Variants in PTPRD observed in about 807,000 individuals in gnomAD.
PTPRD encodes receptor-type tyrosine-protein phosphatase delta.
Under a neutral mutation model 214.5 loss-of-function variants are expected in PTPRD, and 34 were observed. The ratio of observed to expected loss-of-function variants is 0.16; its 90% CI spans 0.12 to 0.21. The LOEUF (loss-of-function observed/expected upper bound fraction) is 0.21. Among genes scored for constraint, PTPRD ranks in the 10% least tolerant of loss-of-function variants. The pLI, the probability that PTPRD is intolerant of heterozygous loss-of-function variation, is 1.00. For missense variants in PTPRD, 2,545 were observed against 2,398.7 expected, an observed-to-expected ratio of 1.06 and a Z score of -1.27; for synonymous variants, 1,128 against 845.7, an observed-to-expected ratio of 1.33 and a Z score of -5.79.
At chr9:8,692,344 A>G (rs1296264629) in intron 12 of PTPRD, among the ~76,000 whole-genome samples, 2 of 152,058 alleles carry the variant, frequency 1.3e-5, no homozygotes, top group Admixed American at 6.6e-5. Context: ...AGTTTCTTCC[A>G]TCTAGTGGTT....
chr9:10,301,962 A>G (rs541561171), intron 3 of PTPRD, among the ~76,000 whole-genome samples: 120 of 152,328 alleles, frequency 7.9e-4, no homozygotes, highest in African/African-American at 2.7e-3. Flanking sequence ...CCCAAGACAC[A>G]TAATCGTCAG....
At chr9:10,505,225 T>G (rs75872236) in intron 2 of PTPRD, among the ~76,000 whole-genome samples, 18,649 of 152,220 alleles carry the variant, frequency 0.12, 1,391 homozygotes, top group South Asian at 0.27. Flanking sequence ...TCAGCTTATC[T>G]GAGGTATTGC....
chr9:10,159,781 G>A (rs1306201703), intron 3 of PTPRD, among the ~76,000 whole-genome samples: 1 of 151,704 alleles, frequency 6.6e-6, no homozygotes, highest in East Asian at 1.9e-4. Flanking sequence ...TACTGAGCTC[G>A]AAGAATGGCT....
chr9:10,017,076 C>A lies in PTPRD; in HGVS notation c.-472+16642G>T, dbSNP rs556302068. ...AAATTGTTTTCCAAACTGTTCCAAT[C>A]TACATTCCCACCAGTAATGTGAATA... On this transcript the variant is annotated intron_variant, in intron 4 of 45. Coordinates refer to ENST00000381196, the MANE Select transcript of PTPRD (RefSeq NM_002839.4). 2.6e-5 allele frequency among the ~76,000 whole-genome samples: 4 copies of A among 152,298 alleles called. No individual in the cohort carries two copies. The East Asian group carries it at 5.8e-4, about 22-fold the overall frequency.
At chr9:8,350,353 G>C (rs188930470) in intron 39 of PTPRD, among the ~76,000 whole-genome samples, 323 of 152,200 alleles carry the variant, frequency 2.1e-3, no homozygotes, top group African/African-American at 6.7e-3. Context: ...TGGGTGCCAA[G>C]ACAGTAAAAT....
intron 5 of PTPRD, among the ~76,000 whole-genome samples, chr9:9,799,793 G>A (rs567083640): frequency 9.2e-5 from 14 of 152,034 alleles, no homozygotes; most frequent in Non-Finnish European, 1.9e-4. Context: ...CTTAACAAAA[G>A]GACAAAGCAA....
At chr9:10,612,216 A>G (rs934186752) in intron 2 of PTPRD, among the ~76,000 whole-genome samples, 182 bp downstream of exon 2, 1 of 151,232 alleles carries the variant, frequency 6.6e-6, no homozygotes, top group East Asian at 1.9e-4. Context: ...TCCAAAAAAA[A>G]AAAAAAAAGA....
At chr9:9,681,120 G>T (rs1394982740) in intron 7 of PTPRD, among the ~76,000 whole-genome samples, 2 of 151,628 alleles carry the variant, frequency 1.3e-5, no homozygotes, top group African/African-American at 2.4e-5. Flanking sequence ...TCTAAAAAAT[G>T]GAAATACTCA....
intron 8 of PTPRD, among the ~76,000 whole-genome samples, chr9:9,503,249 G>A (rs2096476890): frequency 6.6e-6 from 1 of 150,398 alleles, no homozygotes; most frequent in Non-Finnish European, 1.5e-5. Flanking sequence ...TTTTTAATAG[G>A]CTATTTTCAG....
chr9:8,902,749 C>G (rs1366035076), intron 11 of PTPRD, among the ~76,000 whole-genome samples: 1 of 152,146 alleles, frequency 6.6e-6, no homozygotes, highest in East Asian at 1.9e-4. Flanking sequence ...AAAAATAAGC[C>G]TTGGCAAATC....
chr9:9,778,231 A>C (rs2761718), intron 5 of PTPRD, among the ~76,000 whole-genome samples: 67,722 of 151,980 alleles, frequency 0.45, 15,618 homozygotes, highest in East Asian at 0.7. Context: ...TGCTAGGGCT[A>C]GTTCCCAGCC....
At position 9,027,205 on chromosome 9, in the gene PTPRD, T is replaced by C. The variant is rs533381377; in HGVS notation, c.-142-8470A>G. Among the ~76,000 whole-genome samples, 8 of 151,916 alleles carry C rather than the reference T, an allele frequency of 5.3e-5. No homozygotes were observed. In the South Asian group the frequency reaches 1.7e-3, roughly 31 times the overall value. On this transcript the variant is annotated intron_variant, in intron 10 of 45. Transcript: ENST00000381196. Reference sequence around the variant, plus strand: ...TTTTTCCAGGTGGATTTTCCAAATGTAACGATAAACCAAGAAAGAATTTGT... The same window carrying C: ...TTTTTCCAGGTGGATTTTCCAAATGCAACGATAAACCAAGAAAGAATTTGT...
At chr9:9,891,879 T>G (rs1429100012) in intron 5 of PTPRD, among the ~76,000 whole-genome samples, 4 of 152,136 alleles carry the variant, frequency 2.6e-5, no homozygotes, top group African/African-American at 9.6e-5. Flanking sequence ...GCTTTTTGAT[T>G]AAACAGGATT....
chr9:9,606,221 T>G (rs950322425), intron 7 of PTPRD, among the ~76,000 whole-genome samples: 2 of 152,106 alleles, frequency 1.3e-5, no homozygotes, highest in African/African-American at 4.8e-5. Context: ...CCTAATAGAC[T>G]TAGACAATTT....
At chr9:8,750,718 C>T (rs950676144) in intron 11 of PTPRD, among the ~76,000 whole-genome samples, 1 of 151,990 alleles carries the variant, frequency 6.6e-6, no homozygotes, top group African/African-American at 2.4e-5. Flanking sequence ...GTGGCTGGAG[C>T]CCAGAGATTC....
intron 3 of PTPRD, among the ~76,000 whole-genome samples, chr9:10,172,005 C>A (rs1478462248): frequency 1.3e-5 from 2 of 152,096 alleles, no homozygotes; most frequent in Admixed American, 6.6e-5. Flanking sequence ...CCATTCCAGC[C>A]TCATAAGAAT....
At chr9:8,637,244 G>A (rs1486933366) in intron 12 of PTPRD, among the ~76,000 whole-genome samples, 1 of 152,182 alleles carries the variant, frequency 6.6e-6, no homozygotes, top group Non-Finnish European at 1.5e-5. Flanking sequence ...GACACTGCCA[G>A]AAAGCAGCAT....
chr9:9,527,143 A>C (rs1415111330), intron 8 of PTPRD, among the ~76,000 whole-genome samples: 1 of 152,200 alleles, frequency 6.6e-6, no homozygotes, highest in East Asian at 1.9e-4. Context: ...AAATGAAATT[A>C]CTATTCAAAG....
chr9:8,454,811 AGTGTGTGTGTGTGTGTGTGT>A (rs3043784), intron 33 of PTPRD, among the ~76,000 whole-genome samples: 6 of 148,644 alleles, frequency 4.0e-5, no homozygotes, highest in African/African-American at 1.2e-4. Flanking sequence ...CTGAATACAT[AGTGTGTGTGTGTGTGTGTGT>A]GTGTGTGTGT....
Sources: gnomAD v4.1 joint callset for allele counts (sites outside exome capture counted in the v4.1 genomes callset) on GRCh38, gnomAD v4.1.1 for gene constraint, MANE v1.5 for transcripts, NCBI Gene and HGNC (gene_info 2026-07-23, HGNC 2026-07-21) for gene names.